Variants in GRM1 observed in about 807,000 individuals in gnomAD.
The protein encoded by GRM1 is glutamate metabotropic receptor 1.
Under a neutral mutation model 90.9 loss-of-function variants are expected in GRM1, and 33 were observed. That is an observed-to-expected ratio of 0.36 (90% CI 0.28 to 0.49). The LOEUF is 0.49. Ranked by LOEUF, GRM1 falls within the 20% of genes least tolerant of loss-of-function variation. The pLI is 0.99. For missense variants in GRM1, 1,190 were observed against 1,534.3 expected (o/e 0.78, Z 3.75); for synonymous variants, 700 against 613.2 (o/e 1.14, Z -2.09).
intron 1 of GRM1, among the ~76,000 whole-genome samples, chr6:146,089,971 CT>C (rs145389468): frequency 2.6e-5 from 4 of 152,014 alleles, no homozygotes; most frequent in Non-Finnish European, 4.4e-5. Context: ...TTTTTTATGT[CT>C]TTTTTTATTG....
chr6:146,230,223 A>G (rs1780400297), intron 2 of GRM1, among the ~76,000 whole-genome samples: 1 of 152,222 alleles, frequency 6.6e-6, no homozygotes, highest in Non-Finnish European at 1.5e-5. Context: ...AGAGAATGAG[A>G]AAACAAGTTA....
chr6:146,191,777 T>C (rs1778941765), intron 2 of GRM1, among the ~76,000 whole-genome samples: 1 of 152,210 alleles, frequency 6.6e-6, no homozygotes, highest in Non-Finnish European at 1.5e-5. Flanking sequence ...TTCTGTTTCC[T>C]TTCTTTCATG....
At chr6:146,213,684 TTAGATAGATAGATAGATAGATAGA>T (rs750265154) in intron 2 of GRM1, among the ~76,000 whole-genome samples, 5 of 146,316 alleles carry the variant, frequency 3.4e-5, no homozygotes, top group African/African-American at 1.0e-4. Flanking sequence ...GATGGAAAGA[TTAGATAGATAGATAGATAGATAGA>T]TAGATAGATA....
intron 3 of GRM1, among the ~76,000 whole-genome samples, chr6:146,350,945 T>A (rs982346217): frequency 7.2e-5 from 11 of 152,188 alleles, no homozygotes; most frequent in Non-Finnish European, 1.5e-4. Context: ...TATATGTCAC[T>A]CTCAGGGTAG....
At chr6:146,351,397 TC>T (rs1226556996) in intron 3 of GRM1, among the ~76,000 whole-genome samples, 11 of 151,792 alleles carry the variant, frequency 7.2e-5, no homozygotes. Context: ...TTTTTTGTTT[TC>T]CAAACCTCTT....
chr6:146,087,478 C>T (rs1047090197), intron 1 of GRM1, among the ~76,000 whole-genome samples: 1 of 152,036 alleles, frequency 6.6e-6, no homozygotes, highest in Admixed American at 6.6e-5. Flanking sequence ...ATGTGTGTAG[C>T]TTTGTAAAAT....
intron 1 of GRM1, among the ~76,000 whole-genome samples, chr6:146,084,150 GTCTA>G (rs1776462166): frequency 6.6e-6 from 1 of 151,780 alleles, no homozygotes; most frequent in Admixed American, 6.6e-5. Flanking sequence ...CTAGCTAGCA[GTCTA>G]TCTATTTTGT....
chr6:146,048,368 C>G (rs1057029124), intron 1 of GRM1, among the ~76,000 whole-genome samples: 7 of 151,972 alleles, frequency 4.6e-5, no homozygotes, highest in Admixed American at 2.6e-4. Flanking sequence ...CATAATAATG[C>G]CATCTTGGCA....
chr6:146,064,879 C>G (rs1299427302), intron 1 of GRM1, among the ~76,000 whole-genome samples: 4 of 149,830 alleles, frequency 2.7e-5, no homozygotes, highest in African/African-American at 9.8e-5. Context: ...GAATTTTTTT[C>G]GAGATTGAGT....
intron 1 of GRM1, among the ~76,000 whole-genome samples, chr6:146,141,642 CTCTGCTTGATCAAT>C (rs1234366012): frequency 2.0e-5 from 3 of 152,048 alleles, no homozygotes. Context: ...AAATTCTTTC[CTCTGCTTGATCAAT>C]TCTGCTATTA....
intron 2 of GRM1, among the ~76,000 whole-genome samples, chr6:146,245,655 T>G (rs1414799989): frequency 6.6e-6 from 1 of 152,168 alleles, no homozygotes; most frequent in Non-Finnish European, 1.5e-5. Flanking sequence ...TACATTCATT[T>G]TCTCAGAGTG....
intron 7 of GRM1, among the ~76,000 whole-genome samples, chr6:146,418,234 A>G (rs1777856680): frequency 6.6e-6 from 1 of 152,070 alleles, no homozygotes; most frequent in Admixed American, 6.6e-5. Flanking sequence ...TTTACATTAT[A>G]TCTTTTTTTA....
chr6:146,322,523 C>G (rs1385781142), intron 3 of GRM1, among the ~76,000 whole-genome samples: 1 of 152,182 alleles, frequency 6.6e-6, no homozygotes, highest in Non-Finnish European at 1.5e-5. Flanking sequence ...TGCTCTGTCC[C>G]AGGGAGATGG....
At chr6:146,406,721 C>G (rs1419239800) in intron 7 of GRM1, among the ~76,000 whole-genome samples, 1 of 152,122 alleles carries the variant, frequency 6.6e-6, no homozygotes, top group Non-Finnish European at 1.5e-5. Context: ...GTAATCCCAG[C>G]TACTTGGGAG....
chr6:146,136,438 A>C (rs1279146523), intron 1 of GRM1, among the ~76,000 whole-genome samples: 1 of 152,102 alleles, frequency 6.6e-6, no homozygotes, highest in African/African-American at 2.4e-5. Flanking sequence ...CCTCACCAGC[A>C]TTTGTTATTG....
intron 3 of GRM1, among the ~76,000 whole-genome samples, chr6:146,328,721 G>A (rs911450934): frequency 5.3e-5 from 8 of 151,958 alleles, no homozygotes; most frequent in East Asian, 1.9e-4. Flanking sequence ...GGTTCCCCTC[G>A]TATTTCTTTC....
At position 146,150,926 on chromosome 6, in the gene GRM1, ACG is replaced by A. The variant is rs200668954; in HGVS notation, c.701-8419_701-8418del. 8.6e-3 allele frequency among the ~76,000 whole-genome samples: 763 copies of A among 88,464 alleles called. 7 individuals carry two copies. Among genetic ancestry groups the A allele is most frequent in the Admixed American group, 0.031 (228 of 7,416 alleles). 58.0% of individuals were successfully genotyped at this position (88,464 alleles called of 152,430 possible). ...ATAATATTCCTGTATAAACACACAC[ACG>A]CGTGTGCGCGCACACACACACACAC... On this transcript the variant is annotated intron_variant, in intron 1 of 7. Coordinates refer to ENST00000282753, the MANE Select transcript of GRM1 (RefSeq NM_001278064.2).
intron 2 of GRM1, among the ~76,000 whole-genome samples, chr6:146,243,442 G>T (rs1415242537): frequency 1.3e-5 from 2 of 151,990 alleles, no homozygotes; most frequent in African/African-American, 4.8e-5. Context: ...ATTCTTTCAT[G>T]CCAGAATTAT....
chr6:146,352,241 T>C lies in GRM1; in HGVS notation c.1187-9T>C. ...TGACCTTGGTAGTGATCTATTTTTA[T>C]TGTTACAGGCAATGAAAGCTTAGAA... On this transcript the variant is annotated splice_polypyrimidine_tract_variant and intron_variant, in intron 3 of 7. Coordinates refer to ENST00000282753, the MANE Select transcript of GRM1 (RefSeq NM_001278064.2). 3 of 1,613,302 alleles carry C rather than the reference T, an allele frequency of 1.9e-6. No homozygotes were observed. The South Asian group carries it at 3.3e-5, about 18-fold the overall frequency.
Sources: allele counts gnomAD v4.1 joint callset (sites outside exome capture counted in the v4.1 genomes callset), GRCh38; gene constraint gnomAD v4.1.1; transcripts MANE v1.5; gene names NCBI Gene and HGNC (gene_info 2026-07-23, HGNC 2026-07-21).